ARIH1: variants seen among roughly 807,000 people sequenced by gnomAD.
The protein encoded by ARIH1 is ariadne RBR E3 ubiquitin protein ligase 1.
A neutral mutation model predicts 85.0 loss-of-function variants in ARIH1; 8 were observed. The observed-to-expected ratio is 0.09, with a 90% CI of 0.06 to 0.17. ARIH1 has a LOEUF of 0.17. Ranked by LOEUF, ARIH1 falls within the 10% of genes least tolerant of loss-of-function variation. The pLI is 1.00. For missense variants in ARIH1, 311 were observed against 718.1 expected (o/e 0.43, Z 6.48); for synonymous variants, 238 against 253.6 (o/e 0.94, Z 0.59).
chr15:72,586,673 G>A lies in ARIH1; in HGVS notation c.*3381G>A. 6.6e-6 allele frequency: 1 copy of A among 152,232 alleles called. No homozygotes were observed. Among genetic ancestry groups the A allele is most frequent in the East Asian group, 1.9e-4 (1 of 5,196 alleles). 9.4% of individuals were successfully genotyped at this position (152,232 alleles called of 1,614,324 possible). A position where few individuals can be genotyped will look rare whatever the true frequency, so the allele number is the denominator to read the frequency against. Reference sequence around the variant, plus strand: ...ACTTAATATAAAATGTCAAAAATTGGTTGTTTCTTTGCAGGGAACTGTGAA... The same window carrying A: ...ACTTAATATAAAATGTCAAAAATTGATTGTTTCTTTGCAGGGAACTGTGAA... On this transcript the variant is annotated 3_prime_UTR_variant, in exon 14 of 14. Coordinates refer to ENST00000379887, the MANE Select transcript of ARIH1 (RefSeq NM_005744.5).
intron 1 of ARIH1, among the ~76,000 whole-genome samples, chr15:72,483,887 C>G (rs1369081818): frequency 6.6e-6 from 1 of 150,916 alleles, no homozygotes; most frequent in Non-Finnish European, 1.5e-5. Flanking sequence ...ATTGTAGATT[C>G]ACAGCCGGGC....
At chr15:72,501,323 A>G (rs2063902400) in intron 1 of ARIH1, among the ~76,000 whole-genome samples, 1 of 152,220 alleles carries the variant, frequency 6.6e-6, no homozygotes, top group Admixed American at 6.5e-5. Context: ...TTTAAAATAA[A>G]GTTAGATGTA....
chr15:72,579,197 C>G (rs1463076332), intron 11 of ARIH1, among the ~76,000 whole-genome samples: 1 of 152,180 alleles, frequency 6.6e-6, no homozygotes, highest in Admixed American at 6.5e-5. Flanking sequence ...CTCTTCCCCC[C>G]TCCTTGCTTT....
intron 2 of ARIH1, among the ~76,000 whole-genome samples, chr15:72,530,180 G>A (rs2064049432): frequency 6.6e-6 from 1 of 152,218 alleles, no homozygotes; most frequent in African/African-American, 2.4e-5. Context: ...AAATACACTA[G>A]AAGAGGCTAG....
chr15:72,593,467 A>C lies in ARIH1; in HGVS notation c.*10175A>C, dbSNP rs2064350855. The C allele has an allele frequency of 6.6e-6, 1 of 152,206 alleles. No homozygotes were observed. Among genetic ancestry groups the C allele is most frequent in the African/African-American group, 2.4e-5 (1 of 41,454 alleles). The allele number at this position is 152,206 out of a possible 1,614,324, so 9.4% of individuals were successfully genotyped here. A position where few individuals can be genotyped will look rare whatever the true frequency, so the allele number is the denominator to read the frequency against. ...TAGAAGTTTTATGGTTTGGGATTTT[A>C]TGTTTAGGTCTGTGATCCATCTCAA... On this transcript the variant is annotated 3_prime_UTR_variant, in exon 14 of 14. Transcript: ENST00000379887.
At chr15:72,566,969 G>A in intron 8 of ARIH1, 137 bp from the exon 9 acceptor site, 1 of 644,568 alleles carries the variant, frequency 1.6e-6, no homozygotes, top group Non-Finnish European at 2.6e-6. Flanking sequence ...GATTTCCCTG[G>A]CTTAAGAGGA....
At chr15:72,523,892 T>C (rs946578254) in intron 2 of ARIH1, among the ~76,000 whole-genome samples, 3 of 146,182 alleles carry the variant, frequency 2.1e-5, no homozygotes, top group African/African-American at 7.4e-5. Flanking sequence ...TTGAGAATAA[T>C]AAGGCATAAT....
chr15:72,562,273 T>C (rs1435005671), intron 6 of ARIH1, among the ~76,000 whole-genome samples: 2 of 152,222 alleles, frequency 1.3e-5, no homozygotes, highest in Non-Finnish European at 2.9e-5. Context: ...CCTTTTGTGC[T>C]ACAGTGGCAG....
At chr15:72,562,637 T>A (rs2064202131) in intron 6 of ARIH1, among the ~76,000 whole-genome samples, 1 of 151,890 alleles carries the variant, frequency 6.6e-6, no homozygotes, top group African/African-American at 2.4e-5. Context: ...AAGAGCTTTT[T>A]ATGGGAGAAG....
intron 1 of ARIH1, among the ~76,000 whole-genome samples, chr15:72,485,950 T>C (rs1278392006): frequency 6.6e-6 from 1 of 152,228 alleles, no homozygotes; most frequent in Non-Finnish European, 1.5e-5. Context: ...CTGGATCCTT[T>C]GGGGCCCATG....
Position 72,598,978 on chromosome 15 carries a change from G to C in ARIH1, c.*15686G>C, listed in dbSNP as rs2064372982. ...TGGGATTAAAGGCATGAGCCACCAT[G>C]CCTGGTTAGGAATGGGAGTTTAAAC... On this transcript the variant is annotated 3_prime_UTR_variant, in exon 14 of 14. Transcript: ENST00000379887. 2 of 151,536 alleles carry C rather than the reference G, an allele frequency of 1.3e-5. No individual in the cohort carries two copies. Among genetic ancestry groups the C allele is most frequent in the South Asian group, 4.2e-4 (2 of 4,772 alleles). 9.4% of individuals were successfully genotyped at this position (151,536 alleles called of 1,614,324 possible).
chr15:72,488,639 C>G (rs1412493098), intron 1 of ARIH1, among the ~76,000 whole-genome samples: 1 of 152,198 alleles, frequency 6.6e-6, no homozygotes, highest in Non-Finnish European at 1.5e-5. Context: ...AGAGTTTCTT[C>G]TCTGACAGAA....
chr15:72,553,260 A>G (rs1237978708), intron 3 of ARIH1, among the ~76,000 whole-genome samples: 1 of 152,170 alleles, frequency 6.6e-6, no homozygotes, highest in African/African-American at 2.4e-5. Flanking sequence ...ATCATCTAAT[A>G]TTATTTAAAG....
At chr15:72,505,908 G>T (rs910739827) in intron 1 of ARIH1, among the ~76,000 whole-genome samples, 1 of 151,926 alleles carries the variant, frequency 6.6e-6, no homozygotes, top group African/African-American at 2.4e-5. Flanking sequence ...GTAATTTTTT[G>T]TGTTTTTAGT....
At chr15:72,480,028 T>C (rs1402258353) in intron 1 of ARIH1, among the ~76,000 whole-genome samples, 1 of 151,886 alleles carries the variant, frequency 6.6e-6, no homozygotes, top group Non-Finnish European at 1.5e-5. Flanking sequence ...CTACCATGCC[T>C]GGCTAATTTT....
rs535009113 is a variant in ARIH1 at position 72,564,546 on chromosome 15, C to T, written c.911+1046C>T. Among the ~76,000 whole-genome samples the T allele has an allele frequency of 9.8e-5, 15 of 152,318 alleles. 1 individual carries two copies. The South Asian group carries it at 2.9e-3, about 29-fold the overall frequency. ...TTCTAGCTTGCACTTCCAAGCTCTT[C>T]CAGCCTCTACTTACTACCTAGTTTC... On this transcript the variant is annotated intron_variant, in intron 7 of 13. Transcript: ENST00000379887.
chr15:72,543,304 C>T (rs1227524962), intron 2 of ARIH1, among the ~76,000 whole-genome samples: 2 of 151,976 alleles, frequency 1.3e-5, no homozygotes, highest in East Asian at 3.9e-4. Flanking sequence ...TTGCAGGGAG[C>T]CGAGATGGCG....
Position 72,590,981 on chromosome 15 carries a change from T to G in ARIH1, c.*7689T>G, listed in dbSNP as rs1258308971. The stretch of plus-strand genomic sequence containing the variant: ...CTTACACCTTGTAATCCCAGCACTT[T>G]AGGAGGCTGAGGCAGGTGGATCACG... On this transcript the variant is annotated 3_prime_UTR_variant, in exon 14 of 14. Transcript: ENST00000379887. 1 of 152,114 alleles carries G rather than the reference T, an allele frequency of 6.6e-6. No individual in the cohort carries two copies. The highest frequency in any genetic ancestry group is 2.4e-5 in the African/African-American group (1 of 41,394). The allele number at this position is 152,114 out of a possible 1,614,324, so 9.4% of individuals were successfully genotyped here. A position where few individuals can be genotyped will look rare whatever the true frequency, so the allele number is the denominator to read the frequency against.
At chr15:72,496,246 C>A (rs375270315) in intron 1 of ARIH1, among the ~76,000 whole-genome samples, 36 of 152,238 alleles carry the variant, frequency 2.4e-4, no homozygotes, top group East Asian at 9.6e-4. Flanking sequence ...GTTTGGTAAT[C>A]GACCTAAATA....
Sources: gnomAD v4.1 joint callset for allele counts (sites outside exome capture counted in the v4.1 genomes callset) on GRCh38, gnomAD v4.1.1 for gene constraint, MANE v1.5 for transcripts, NCBI Gene and HGNC (gene_info 2026-07-23, HGNC 2026-07-21) for gene names.